The following AGT variants were observed in gnomAD, a reference collection of about 807,000 sequenced individuals.
The protein encoded by AGT is alpha-1 antiproteinase, antitrypsin.
In AGT, 26 loss-of-function variants were observed where a neutral mutation model predicts 28.1. The observed-to-expected ratio is 0.92, with a 90% CI of 0.68 to 1.28. AGT has a LOEUF of 1.28. Among genes scored for constraint, AGT ranks in the 50% most tolerant of loss-of-function variants. The pLI, the probability that AGT is intolerant of heterozygous loss-of-function variation, is 0.00. For missense variants in AGT, 596 were observed against 592.3 expected, an observed-to-expected ratio of 1.01 and a Z score of -0.06; for synonymous variants, 259 against 259.6, an observed-to-expected ratio of 1.00 and a Z score of 0.02.
upstream of AGT, among the ~76,000 whole-genome samples, chr1:230,717,125 T>C (rs920740828): frequency 6.9e-6 from 1 of 144,514 alleles, no homozygotes; most frequent in Non-Finnish European, 1.5e-5. Flanking sequence ...TGGGTCAAAG[T>C]GGCTGGGGCA....
chr1:230,728,002 TA>T (rs1663976406), intron 1 of AGT, among the ~76,000 whole-genome samples: 1 of 152,162 alleles, frequency 6.6e-6, no homozygotes, highest in Non-Finnish European at 1.5e-5. Context: ...CAGGGGTTTT[TA>T]AAAGATAGTT....
At chr1:230,739,609 G>T (rs1664212532) in intron 1 of AGT, among the ~76,000 whole-genome samples, 1 of 152,258 alleles carries the variant, frequency 6.6e-6, no homozygotes, top group South Asian at 2.1e-4. Flanking sequence ...GGTAATTACG[G>T]TGCATTGCCC....
Position 230,710,505 on chromosome 1 carries a change from G to A in AGT, c.319C>T (p.Arg107Cys), listed in dbSNP as rs147355405. 16 of 1,614,068 alleles carry A rather than the reference G, an allele frequency of 9.9e-6. No homozygotes were observed. The highest frequency in any genetic ancestry group is 1.6e-4 in the Middle Eastern group (1 of 6,084). ...VGMLANFLGF[R>C]IYGMHSELWG... ...AGCTCACTGTGCATGCCATATATAC[G>A]GAAGCCCAAGAAGTTGGCCAGCATC... Residue 107 changes from arginine (R) to cysteine (C), a missense_variant, in exon 2 of 5, where the codon CGT becomes TGT. Physicochemically the swap from Arg to Cys is radical, Grantham distance 180 (BLOSUM62 -3). Coordinates refer to ENST00000366667, the MANE Select transcript of AGT (RefSeq NM_001384479.1).
At chr1:230,722,026 G>T (rs2102798494) in intron 1 of AGT, among the ~76,000 whole-genome samples, 1 of 152,250 alleles carries the variant, frequency 6.6e-6, no homozygotes, top group East Asian at 1.9e-4. Flanking sequence ...TCCCATCACA[G>T]GCCTGGAGGC....
chr1:230,737,458 C>T (rs1221966564), intron 1 of AGT, among the ~76,000 whole-genome samples: 4 of 151,994 alleles, frequency 2.6e-5, no homozygotes, highest in Non-Finnish European at 5.9e-5. Context: ...AATACAGGTG[C>T]CCACCACCAC....
intron 1 of AGT, among the ~76,000 whole-genome samples, chr1:230,711,498 C>A (rs11568028): frequency 2.6e-5 from 4 of 152,092 alleles, no homozygotes; most frequent in African/African-American, 4.8e-5. Context: ...GCTGTAAGTT[C>A]TCTTCCTAGA....
chr1:230,738,896 A>G (rs1664196406), intron 1 of AGT, among the ~76,000 whole-genome samples: 1 of 152,214 alleles, frequency 6.6e-6, no homozygotes, highest in Non-Finnish European at 1.5e-5. Context: ...GTACACAGAC[A>G]ATATAAAAAT....
intron 1 of AGT, among the ~76,000 whole-genome samples, chr1:230,735,373 C>A (rs2102805207): frequency 6.6e-6 from 1 of 152,336 alleles, no homozygotes; most frequent in South Asian, 2.1e-4. Context: ...GGGTCATCAA[C>A]TTCTCATGAG....
chr1:230,730,639 G>T (rs1290183746), intron 1 of AGT, among the ~76,000 whole-genome samples: 2 of 152,132 alleles, frequency 1.3e-5, no homozygotes, highest in Non-Finnish European at 2.9e-5. Context: ...TTCTGTCTTG[G>T]CTGTCTCTTA....
chr1:230,711,634 G>A (rs1483042174), intron 1 of AGT, among the ~76,000 whole-genome samples: 2 of 152,000 alleles, frequency 1.3e-5, no homozygotes, highest in Non-Finnish European at 2.9e-5. Context: ...CCAACATGCA[G>A]CCGGGATTGA....
intron 1 of AGT, among the ~76,000 whole-genome samples, chr1:230,723,238 C>A (rs944747974): frequency 3.3e-5 from 5 of 152,116 alleles, no homozygotes; most frequent in African/African-American, 1.2e-4. Context: ...GAGGCCTCCC[C>A]AGCCATGCAG....
chr1:230,721,264 T>C (rs1663838271), intron 1 of AGT, among the ~76,000 whole-genome samples: 1 of 152,220 alleles, frequency 6.6e-6, no homozygotes, highest in Non-Finnish European at 1.5e-5. Flanking sequence ...CAAATGTTGA[T>C]GTAATGTCTG....
At chr1:230,742,841 G>A (rs1027943753) in intron 1 of AGT, among the ~76,000 whole-genome samples, 13 of 152,090 alleles carry the variant, frequency 8.5e-5, no homozygotes, top group East Asian at 3.9e-4. Flanking sequence ...TTCACTTTTC[G>A]GGGTGCGGCT....
chr1:230,719,101 G>A (rs892605743), upstream of AGT, among the ~76,000 whole-genome samples: 1 of 152,106 alleles, frequency 6.6e-6, no homozygotes, highest in Non-Finnish European at 1.5e-5. Flanking sequence ...CTATTCATCT[G>A]TTGACAGACA....
chr1:230,709,872 G>A, intron 2 of AGT, 123 bp downstream of exon 2: 1 of 1,425,582 alleles, frequency 7.0e-7, no homozygotes, highest in South Asian at 1.2e-5. Context: ...ACTTCTCAAG[G>A]GTGGTCACCA....
intron 1 of AGT, among the ~76,000 whole-genome samples, chr1:230,741,632 A>G (rs1427716724): frequency 6.6e-6 from 1 of 152,214 alleles, no homozygotes; most frequent in Non-Finnish European, 1.5e-5. Flanking sequence ...CCAGGGATGG[A>G]CAAGTCCCTG....
upstream of AGT, among the ~76,000 whole-genome samples, chr1:230,715,317 G>C (rs993757204): frequency 2.0e-4 from 31 of 152,018 alleles, no homozygotes; most frequent in African/African-American, 7.5e-4. Context: ...CCTATAGATA[G>C]GGACTCCTCA....
chr1:230,706,351 C>T (rs1487216242), intron 2 of AGT, 151 bp from the exon 3 acceptor site: 3 of 851,674 alleles, frequency 3.5e-6, no homozygotes, highest in Non-Finnish European at 5.3e-6. Flanking sequence ...ATTCTCCTGG[C>T]CACAGGACCG....
chr1:230,710,795 G>A lies in AGT; in HGVS notation c.29C>T (p.Ala10Val). Residue 10 changes from alanine (A) to valine (V), a missense_variant, in exon 2 of 5, where the codon GCC becomes GTC. Transcript: ENST00000366667. ...CCAGGCCAGGAGGCAGAGGATGGTG[G>A]CCCTCAGGCTCACACCGGCAGGAGC... MAPAGVSLR[A>V]TILCLLAWAG... is the part of the protein sequence containing the mutation. 2 of 1,614,130 alleles carry A rather than the reference G, an allele frequency of 1.2e-6. No individual in the cohort carries two copies. Among genetic ancestry groups the A allele is most frequent in the Non-Finnish European group, 1.7e-6 (2 of 1,180,028 alleles).
Sources: gnomAD v4.1 joint callset for allele counts (sites outside exome capture counted in the v4.1 genomes callset) on GRCh38, gnomAD v4.1.1 for gene constraint, MANE v1.5 for transcripts, NCBI Gene and HGNC (gene_info 2026-07-23, HGNC 2026-07-21) for gene names.